DCC: variants seen among roughly 807,000 people sequenced by gnomAD.
The protein encoded by DCC is netrin receptor DCC.
In DCC, 58 loss-of-function variants were observed where a neutral mutation model predicts 172.5. The ratio of observed to expected loss-of-function variants is 0.34; its 90% CI spans 0.27 to 0.42. The LOEUF is 0.42. DCC is among the 10% of genes least tolerant of loss of function. DCC has a pLI of 1.00. For missense variants in DCC, 1,740 were observed against 1,791.0 expected (o/e 0.97, Z 0.51); for synonymous variants, 709 against 644.5 (o/e 1.10, Z -1.52).
At chr18:52,368,557 G>A (rs961700779) in intron 1 of DCC, among the ~76,000 whole-genome samples, 2 of 152,170 alleles carry the variant, frequency 1.3e-5, no homozygotes, top group African/African-American at 4.8e-5. Flanking sequence ...TACTGAGAAA[G>A]TACTACATTA....
intron 12 of DCC, among the ~76,000 whole-genome samples, chr18:53,305,336 T>A (rs1383351009): frequency 2.0e-5 from 3 of 152,232 alleles, no homozygotes; most frequent in Non-Finnish European, 4.4e-5. Context: ...ATTTTAGCAG[T>A]GTATGCAAAG....
chr18:52,740,510 G>T (rs1270777421), intron 1 of DCC, among the ~76,000 whole-genome samples: 1 of 152,172 alleles, frequency 6.6e-6, no homozygotes, highest in Non-Finnish European at 1.5e-5. Context: ...TATCACTGAT[G>T]AGTCCCCACA....
chr18:52,982,576 G>T (rs913714620), intron 5 of DCC, among the ~76,000 whole-genome samples: 1 of 151,942 alleles, frequency 6.6e-6, no homozygotes. Context: ...ACTGTGCATG[G>T]GAGTATGTTT....
At chr18:53,249,898 C>T (rs934573319) in intron 12 of DCC, among the ~76,000 whole-genome samples, 9 of 151,828 alleles carry the variant, frequency 5.9e-5, no homozygotes, top group African/African-American at 1.9e-4. Context: ...GTATGTTGCT[C>T]TCTTATAATC....
Position 52,638,961 on chromosome 18 carries a change from C to T in DCC, c.92-113093C>T, listed in dbSNP as rs112632730. On this transcript the variant is annotated intron_variant, in intron 1 of 28. Coordinates refer to ENST00000442544, the MANE Select transcript of DCC (RefSeq NM_005215.4). ...GATAGACCATATGACAGGCCATTCT[C>T]TCTCAGACCACAGTGGAATAAAACT... is the stretch of plus-strand genomic sequence containing the variant. 8.2e-4 allele frequency among the ~76,000 whole-genome samples: 125 copies of T among 151,760 alleles called. 1 individual carries two copies. The highest frequency in any genetic ancestry group is 2.9e-3 in the African/African-American group (120 of 41,484).
intron 7 of DCC, among the ~76,000 whole-genome samples, chr18:53,078,032 A>G (rs935273544): frequency 2.0e-5 from 3 of 152,206 alleles, no homozygotes; most frequent in African/African-American, 7.2e-5. Flanking sequence ...CAAAGAGTAA[A>G]TTCGATATAA....
chr18:53,369,323 G>A (rs546559332), intron 15 of DCC, among the ~76,000 whole-genome samples: 1 of 151,682 alleles, frequency 6.6e-6, no homozygotes, highest in Non-Finnish European at 1.5e-5. Context: ...TGGTTTTTTT[G>A]TACGTGTTTC....
At chr18:53,381,851 C>A (rs1428110080) in intron 15 of DCC, among the ~76,000 whole-genome samples, 1 of 151,916 alleles carries the variant, frequency 6.6e-6, no homozygotes, top group Non-Finnish European at 1.5e-5. Flanking sequence ...TCTGCCAACA[C>A]TGAAAAATTT....
At chr18:52,520,307 G>A (rs1185476079) in intron 1 of DCC, among the ~76,000 whole-genome samples, 5 of 152,170 alleles carry the variant, frequency 3.3e-5, no homozygotes, top group Non-Finnish European at 7.3e-5. Context: ...CCCAGAACAG[G>A]CTTGCCGAAC....
At chr18:52,792,759 T>TGTTCCATTCTATTCCATTCC (rs1568106976) in intron 2 of DCC, among the ~76,000 whole-genome samples, 1 of 27,898 alleles carries the variant, frequency 3.6e-5, no homozygotes, top group African/African-American at 4.4e-5. Flanking sequence ...CAGTTGATTC[T>TGTTCCATTCTATTCCATTCC]ATTCCATTCT....
At chr18:52,627,874 A>T (rs2034603110) in intron 1 of DCC, among the ~76,000 whole-genome samples, 1 of 152,068 alleles carries the variant, frequency 6.6e-6, no homozygotes, top group Non-Finnish European at 1.5e-5. Context: ...TTTCATTTTG[A>T]CTGGAGAGTG....
chr18:52,486,684 C>T (rs1028189702), intron 1 of DCC, among the ~76,000 whole-genome samples: 4 of 152,074 alleles, frequency 2.6e-5, no homozygotes, highest in Admixed American at 2.0e-4. Flanking sequence ...AGATAGAATA[C>T]GAACCACAAA....
In DCC at chr18:53,185,818, T is replaced by A. The variant is rs183978524; in HGVS notation, c.1573+6702T>A. Among the ~76,000 whole-genome samples the A allele has an allele frequency of 5.6e-3, 856 of 152,336 alleles. 6 individuals carry two copies. The highest frequency in any genetic ancestry group is 0.023 in the Admixed American group (353 of 15,300). ...ACAGCTTTCACAGATTTCATCTCCC[T>A]GAACAAAATTGTTCAGTTTTGTTCA... On this transcript the variant is annotated intron_variant, in intron 9 of 28. Transcript: ENST00000442544.
intron 2 of DCC, among the ~76,000 whole-genome samples, chr18:52,804,561 G>A (rs948383079): frequency 6.6e-6 from 1 of 152,110 alleles, no homozygotes; most frequent in Admixed American, 6.6e-5. Flanking sequence ...CAGGTTTTTT[G>A]TTGTTGTTAG....
At position 52,885,019 on chromosome 18, in the gene DCC, T is replaced by G. The variant is rs141902575; in HGVS notation, c.413-21025T>G. 8.7e-3 allele frequency among the ~76,000 whole-genome samples: 1,328 copies of G among 152,284 alleles called. 15 individuals carry two copies. Among genetic ancestry groups the G allele is most frequent in the Non-Finnish European group, 0.011 (740 of 68,022 alleles). On this transcript the variant is annotated intron_variant, in intron 2 of 28. Coordinates refer to ENST00000442544, the MANE Select transcript of DCC (RefSeq NM_005215.4). ...TACTTTGTCTCAAACGAAATTTCTC[T>G]TTCTGTGCAGAGTCACCTGGAACTG...
chr18:53,372,684 T>C (rs2058071482), intron 15 of DCC, among the ~76,000 whole-genome samples: 1 of 152,116 alleles, frequency 6.6e-6, no homozygotes, highest in South Asian at 2.1e-4. Context: ...GACAAGCATA[T>C]ATGAAACCTA....
intron 1 of DCC, among the ~76,000 whole-genome samples, chr18:52,482,425 T>C (rs1048330440): frequency 1.3e-5 from 2 of 152,160 alleles, no homozygotes; most frequent in African/African-American, 4.8e-5. Flanking sequence ...AATTACCAAA[T>C]ACTATATGGT....
In DCC at chr18:53,428,371, TATTATA is replaced by T. The variant is rs1400738763; in HGVS notation, c.3164-6770_3164-6765del. Among the ~76,000 whole-genome samples, 413 of 89,110 alleles carry T rather than the reference TATTATA, an allele frequency of 4.6e-3. 69 individuals are homozygous for T. Among genetic ancestry groups the T allele is most frequent in the Middle Eastern group, 0.032 (2 of 62 alleles). 58.5% of individuals were successfully genotyped at this position (89,110 alleles called of 152,430 possible). A position where few individuals can be genotyped will look rare whatever the true frequency, so the allele number is the denominator to read the frequency against. On this transcript the variant is annotated intron_variant, in intron 21 of 28. Transcript: ENST00000442544. ...ATAATATATGTTGTATATAATATAATATTATAATATATTGTATATAATATAATATAA... is the reference window on the plus strand; with the variant it reads ...ATAATATATGTTGTATATAATATAATATATATTGTATATAATATAATATAA...
At chr18:52,872,512 C>T (rs987616960) in intron 2 of DCC, among the ~76,000 whole-genome samples, 3 of 152,140 alleles carry the variant, frequency 2.0e-5, no homozygotes, top group South Asian at 2.1e-4. Context: ...TCTGAACAGC[C>T]GTCTCAAAAT....
Sources: allele counts gnomAD v4.1 joint callset (sites outside exome capture counted in the v4.1 genomes callset), GRCh38; gene constraint gnomAD v4.1.1; transcripts MANE v1.5; gene names NCBI Gene and HGNC (gene_info 2026-07-23, HGNC 2026-07-21).